Variants in LAMB4 observed in about 807,000 individuals in gnomAD.
LAMB4 encodes laminin subunit beta-4.
In LAMB4, 196 loss-of-function variants were observed where a neutral mutation model predicts 199.2. That is an observed-to-expected ratio of 0.98 (90% CI 0.88 to 1.11). LAMB4 has a LOEUF of 1.11. Among genes scored for constraint, LAMB4 ranks in the 50% least tolerant of loss-of-function variants. LAMB4 has a pLI of 0.00. For missense variants in LAMB4, 2,080 were observed against 2,171.2 expected (o/e 0.96, Z 0.83); for synonymous variants, 744 against 770.6 (o/e 0.97, Z 0.57).
chr7:108,031,800 C>T (rs1336810879), intron 31 of LAMB4, among the ~76,000 whole-genome samples: 18 of 152,080 alleles, frequency 1.2e-4, no homozygotes, highest in Admixed American at 3.9e-4. Context: ...TTCTATTCTC[C>T]GGCTGGTGCA....
chr7:108,107,713 A>T lies in LAMB4; in HGVS notation c.509T>A (p.Ile170Asn). The change falls in exon 6 of 34, where the codon ATC (isoleucine) becomes AAC (asparagine). Residue 170 changes from isoleucine (I) to asparagine (N), a missense_variant. Ile to Asn is a moderately radical substitution (Grantham distance 149, BLOSUM62 -3). Coordinates refer to ENST00000388781, the MANE Select transcript of LAMB4 (RefSeq NM_007356.3). ...CACTCCCTGGGCCTGGCCAGATGTG[A>T]TGTTAGGAAAGGAAGTGGCACAGTC... ...AKDCATSFPN[I>N]TSGQAQGVGD... The T allele has an allele frequency of 6.2e-7, 1 of 1,613,806 alleles. No homozygotes were observed. The highest frequency in any genetic ancestry group is 1.7e-5 in the Admixed American group (1 of 59,962).
Position 108,066,417 on chromosome 7 carries a change from C to G in LAMB4, c.2630G>C (p.Gly877Ala), listed in dbSNP as rs759197067. ...AAAGCCTCCACAATTGAAGCATGAC[C>G]CTGTCTCAGGATCACAAAGTTCAGC... ...RFAELCDPET[G>A]SCFNCGGFTT... is the part of the protein sequence containing the mutation. The change falls in exon 20 of 34, where the codon GGG (glycine) becomes GCG (alanine). Residue 877 changes from glycine to alanine, a missense_variant. Physicochemically the swap from Gly to Ala is moderately conservative, Grantham distance 60 (BLOSUM62 0). Coordinates refer to ENST00000388781, the MANE Select transcript of LAMB4 (RefSeq NM_007356.3). The G allele has an allele frequency of 6.2e-7, 1 of 1,614,176 alleles. No homozygotes were observed. The highest frequency in any genetic ancestry group is 2.2e-5 in the East Asian group (1 of 44,888).
At chr7:108,115,729 G>C (rs1020563816) in intron 3 of LAMB4, among the ~76,000 whole-genome samples, 3 of 152,126 alleles carry the variant, frequency 2.0e-5, no homozygotes, top group African/African-American at 7.2e-5. Flanking sequence ...AAGTAATCTA[G>C]AGATTATTTA....
intron 4 of LAMB4, among the ~76,000 whole-genome samples, chr7:108,111,484 C>T (rs1420128753): frequency 6.6e-6 from 1 of 152,206 alleles, no homozygotes; most frequent in Non-Finnish European, 1.5e-5. Flanking sequence ...TTGTATTAGG[C>T]TTAATTTACC....
chr7:108,049,335 C>G lies in LAMB4; in HGVS notation c.4113G>C (p.Leu1371Phe), dbSNP rs1310256986. ...CATCATGAATATTTACCTTTTCATT[C>G]AATATTTGGATATCTGGTATCTTAA... ...KQIKIPDIQILNEKVCGDPGN... is the reference protein window; with the variant it reads ...KQIKIPDIQIFNEKVCGDPGN... The change falls in exon 27 of 34, where the codon TTG (leucine) becomes TTC (phenylalanine). Residue 1371 changes from leucine to phenylalanine, a missense_variant. Leu to Phe is a conservative substitution (Grantham distance 22, BLOSUM62 0). Transcript: ENST00000388781. The G allele has an allele frequency of 1.3e-6, 2 of 1,539,414 alleles. No individual in the cohort carries two copies. Among genetic ancestry groups the G allele is most frequent in the African/African-American group, 1.4e-5 (1 of 71,616 alleles).
rs764388558 is a variant in LAMB4, at chr7:108,104,634, A to G, written c.871-15T>C. On this transcript the variant is annotated splice_polypyrimidine_tract_variant and intron_variant, in intron 8 of 33. Coordinates refer to ENST00000388781, the MANE Select transcript of LAMB4 (RefSeq NM_007356.3). The stretch of plus-strand genomic sequence containing the variant: ...TGACCGTGAACCTGCATTGTGCAAT[A>G]AATAGAGCGTTGAAAGAGGGCTTGT... 6.2e-7 allele frequency: 1 copy of G among 1,611,874 alleles called. No individual in the cohort carries two copies. The highest frequency in any genetic ancestry group is 1.3e-5 in the African/African-American group (1 of 74,832).
intron 29 of LAMB4, among the ~76,000 whole-genome samples, chr7:108,041,661 G>T (rs922766620): frequency 6.6e-6 from 1 of 152,118 alleles, no homozygotes; most frequent in African/African-American, 2.4e-5. Flanking sequence ...ACCAAATACC[G>T]CATGTTCTCA....
chr7:108,031,392 A>AG (rs980697043), intron 31 of LAMB4, among the ~76,000 whole-genome samples: 2 of 149,814 alleles, frequency 1.3e-5, no homozygotes, highest in African/African-American at 4.9e-5. Context: ...AAGAGCGAAG[A>AG]GAAAAAAAGA....
chr7:108,037,000 A>G (rs561704024), intron 30 of LAMB4, among the ~76,000 whole-genome samples: 1 of 152,162 alleles, frequency 6.6e-6, no homozygotes, highest in African/African-American at 2.4e-5. Flanking sequence ...TTTTGATTTC[A>G]AAGTACTGCT....
intron 14 of LAMB4, among the ~76,000 whole-genome samples, chr7:108,080,498 A>G (rs1223962447): frequency 6.6e-6 from 1 of 152,138 alleles, no homozygotes; most frequent in African/African-American, 2.4e-5. Flanking sequence ...GGTCCAATAT[A>G]TATCATGTAC....
intron 31 of LAMB4, among the ~76,000 whole-genome samples, chr7:108,031,591 T>G (rs927880842): frequency 3.3e-5 from 5 of 152,074 alleles, no homozygotes. Flanking sequence ...ACCTATGCAG[T>G]ATTCCTAACA....
intron 9 of LAMB4, among the ~76,000 whole-genome samples, 195 bp downstream of exon 9, chr7:108,104,304 G>T (rs777295726): frequency 1.3e-5 from 2 of 152,158 alleles, no homozygotes; most frequent in Non-Finnish European, 2.9e-5. Flanking sequence ...AACTTAATTT[G>T]TGGTGGGAGA....
Position 108,123,254 on chromosome 7 carries a change from A to C in LAMB4, c.-33-57T>G, listed in dbSNP as rs879093755. On this transcript the variant is annotated intron_variant, in intron 1 of 33. Coordinates refer to ENST00000388781, the MANE Select transcript of LAMB4 (RefSeq NM_007356.3). The stretch of plus-strand genomic sequence containing the variant: ...GATAGAAGAAATAATTGCCATCATC[A>C]CATGTTATGTAAAAGTGCTTAGGGT... 8.5e-5 allele frequency: 92 copies of C among 1,086,072 alleles called. 1 individual carries two copies. The South Asian group carries it at 1.1e-3, about 13-fold the overall frequency. 67.3% of individuals were successfully genotyped at this position (1,086,072 alleles called of 1,614,324 possible).
At chr7:108,085,002 G>A (rs563273130) in intron 14 of LAMB4, among the ~76,000 whole-genome samples, 108 of 152,022 alleles carry the variant, frequency 7.1e-4, no homozygotes, top group Non-Finnish European at 1.3e-3. Context: ...GCCTCCCAAA[G>A]TGCTGGGATC....
chr7:108,023,137 G>T (rs1386913084), downstream of LAMB4, among the ~76,000 whole-genome samples: 5 of 152,036 alleles, frequency 3.3e-5, no homozygotes, highest in African/African-American at 1.2e-4. Context: ...TTATGAGTCA[G>T]TCCTTAATGG....
the LAMB4 span, among the ~76,000 whole-genome samples, chr7:108,012,820 T>G: frequency 6.6e-6 from 1 of 152,180 alleles, no homozygotes; most frequent in Non-Finnish European, 1.5e-5. Flanking sequence ...ACTCACCATT[T>G]GCAAAAACCA....
chr7:108,033,414 C>CTTTG (rs756155494), intron 31 of LAMB4, among the ~76,000 whole-genome samples: 1 of 151,970 alleles, frequency 6.6e-6, no homozygotes, highest in African/African-American at 2.4e-5. Flanking sequence ...TTGCTTTCTG[C>CTTTG]TTTGTTTGTT....
At chr7:108,034,778 T>C (rs929395) in intron 30 of LAMB4, among the ~76,000 whole-genome samples, 131,493 of 152,054 alleles carry the variant, frequency 0.86, 57,218 homozygotes, top group African/African-American at 0.97. Context: ...CCTGCATTTT[T>C]AGGCTTGTTT....
chr7:108,055,187 GT>G lies in LAMB4; in HGVS notation c.3755+444del, dbSNP rs371917253. On this transcript the variant is annotated intron_variant, in intron 25 of 33. Coordinates refer to ENST00000388781, the MANE Select transcript of LAMB4 (RefSeq NM_007356.3). ...AAGTAGACATACATGATTTCCAGCT[GT>G]TTTTTTTTTTTTTTTGAGACAGAGT... Among the ~76,000 whole-genome samples, 1,140 of 138,458 alleles carry G rather than the reference GT, an allele frequency of 8.2e-3. 8 individuals carry two copies. The highest frequency in any genetic ancestry group is 0.024 in the African/African-American group (934 of 39,214). The allele number at this position is 138,458 out of a possible 152,430, so 90.8% of individuals were successfully genotyped here.
Sources: gnomAD v4.1 joint callset for allele counts (sites outside exome capture counted in the v4.1 genomes callset) on GRCh38, gnomAD v4.1.1 for gene constraint, MANE v1.5 for transcripts, NCBI Gene and HGNC (gene_info 2026-07-23, HGNC 2026-07-21) for gene names.